Variants in CTNNA2 observed in about 807,000 individuals in gnomAD.
CTNNA2 encodes catenin alpha 2.
Under a neutral mutation model 101.0 loss-of-function variants are expected in CTNNA2, and 42 were observed. That is an observed-to-expected ratio of 0.42 (90% confidence interval 0.32 to 0.54). The LOEUF (loss-of-function observed/expected upper bound fraction) is 0.54. Among genes scored for constraint, CTNNA2 ranks in the 20% least tolerant of loss-of-function variants. The pLI is 0.14. For synonymous variants in CTNNA2, 450 were observed against 456.4 expected (o/e 0.99, Z 0.18); for missense variants, 871 against 1,223.1 (o/e 0.71, Z 4.29).
chr2:80,598,305 G>T (rs895884593), intron 15 of CTNNA2, among the ~76,000 whole-genome samples: 6 of 152,138 alleles, frequency 3.9e-5, no homozygotes, highest in African/African-American at 1.4e-4. Context: ...CCTGTCAAGG[G>T]TTGGGGAGCA....
intron 1 of CTNNA2, among the ~76,000 whole-genome samples, chr2:79,514,400 C>T (rs1671695356): frequency 6.6e-6 from 1 of 152,170 alleles, no homozygotes; most frequent in African/African-American, 2.4e-5. Flanking sequence ...TAAAGAGAAA[C>T]ATGCTGTGTG....
intron 9 of CTNNA2, among the ~76,000 whole-genome samples, chr2:80,461,737 C>T (rs1033577494): frequency 1.6e-4 from 25 of 152,168 alleles, no homozygotes; most frequent in African/African-American, 6.0e-4. Context: ...ATCAGTCTCA[C>T]TGCTTTGTGG....
intron 7 of CTNNA2, among the ~76,000 whole-genome samples, chr2:79,972,016 T>A (rs1364745409): frequency 6.6e-6 from 1 of 152,174 alleles, no homozygotes; most frequent in Non-Finnish European, 1.5e-5. Context: ...CAAGGCTTCT[T>A]ATGGCTTGGG....
At chr2:79,633,875 C>T (rs536808108) in intron 1 of CTNNA2, 68 of 152,300 alleles carry the variant, frequency 4.5e-4, no homozygotes, top group African/African-American at 1.6e-3. Flanking sequence ...AGTGTTTGGA[C>T]TTGCTTAACA....
chr2:79,767,596 T>G (rs943879797), intron 3 of CTNNA2, among the ~76,000 whole-genome samples: 11 of 152,228 alleles, frequency 7.2e-5, no homozygotes, highest in Admixed American at 2.6e-4. Flanking sequence ...CTCACAGACA[T>G]GTAGAGGTAC....
At chr2:79,425,740 A>T (rs1272777972) in intron 4 of CTNNA2, among the ~76,000 whole-genome samples, 1 of 152,128 alleles carries the variant, frequency 6.6e-6, no homozygotes, top group African/African-American at 2.4e-5. Flanking sequence ...ATACGAAAGG[A>T]TTTGCTTGCG....
chr2:79,892,132 C>T (rs1684353063), intron 6 of CTNNA2, among the ~76,000 whole-genome samples: 1 of 152,052 alleles, frequency 6.6e-6, no homozygotes, highest in Non-Finnish European at 1.5e-5. Flanking sequence ...ATAAAATCAA[C>T]TTTATTTTAC....
intron 4 of CTNNA2, among the ~76,000 whole-genome samples, chr2:79,497,758 T>C (rs1671274531): frequency 6.6e-6 from 1 of 152,172 alleles, no homozygotes; most frequent in Non-Finnish European, 1.5e-5. Context: ...TCTCCTTTTG[T>C]TTCGTCTAAG....
intron 7 of CTNNA2, among the ~76,000 whole-genome samples, chr2:80,182,802 G>A (rs564302196): frequency 6.6e-6 from 1 of 152,236 alleles, no homozygotes; most frequent in African/African-American, 2.4e-5. Context: ...AGTAGTGAGT[G>A]AAAAAGCCCT....
chr2:79,519,655 A>G (rs1020339427), intron 1 of CTNNA2, among the ~76,000 whole-genome samples: 2 of 152,166 alleles, frequency 1.3e-5, no homozygotes, highest in Non-Finnish European at 2.9e-5. Context: ...CTTTTGAAAC[A>G]TAAACTTCTG....
intron 18 of CTNNA2, among the ~76,000 whole-genome samples, chr2:80,623,289 G>A (rs1573487481): frequency 6.6e-6 from 1 of 151,940 alleles, no homozygotes; most frequent in Non-Finnish European, 1.5e-5. Flanking sequence ...ACGTGAACTA[G>A]TAACTATGAT....
chr2:79,655,003 AT>A (rs1378095177), intron 2 of CTNNA2, among the ~76,000 whole-genome samples: 1 of 152,176 alleles, frequency 6.6e-6, no homozygotes, highest in East Asian at 1.9e-4. Flanking sequence ...TGGACTTATA[AT>A]TGTATATGTT....
intron 9 of CTNNA2, among the ~76,000 whole-genome samples, chr2:80,443,967 G>A (rs993334806): frequency 6.6e-6 from 1 of 152,126 alleles, no homozygotes. Flanking sequence ...AGGGAGACAT[G>A]AATAGGTTAA....
chr2:80,324,516 A>G (rs1679050694), intron 7 of CTNNA2, among the ~76,000 whole-genome samples: 1 of 152,204 alleles, frequency 6.6e-6, no homozygotes, highest in Non-Finnish European at 1.5e-5. Context: ...CTATTTATTA[A>G]AAAGCCTTTC....
intron 4 of CTNNA2, among the ~76,000 whole-genome samples, chr2:79,414,621 C>T (rs954132474): frequency 6.6e-6 from 1 of 152,128 alleles, no homozygotes; most frequent in East Asian, 1.9e-4. Context: ...GGCTTTGCAA[C>T]GTTTTTGCCA....
intron 1 of CTNNA2, among the ~76,000 whole-genome samples, chr2:79,519,208 G>A (rs1390826730): frequency 7.3e-6 from 1 of 136,200 alleles, no homozygotes; most frequent in East Asian, 2.2e-4. Context: ...CAGCTTGGGC[G>A]ACAGAACAAG....
At chr2:80,385,544 A>G (rs1206228385) in intron 7 of CTNNA2, among the ~76,000 whole-genome samples, 1 of 152,230 alleles carries the variant, frequency 6.6e-6, no homozygotes, top group East Asian at 1.9e-4. Flanking sequence ...AGCAGCTCAA[A>G]TGAATTATTA....
intron 9 of CTNNA2, among the ~76,000 whole-genome samples, chr2:80,470,924 C>A (rs1341632631): frequency 1.3e-5 from 2 of 152,090 alleles, no homozygotes; most frequent in Non-Finnish European, 2.9e-5. Context: ...GACATTTAAG[C>A]AAAGTCCTGA....
chr2:80,084,848 G>A (rs1271083294), intron 7 of CTNNA2, among the ~76,000 whole-genome samples: 9 of 151,976 alleles, frequency 5.9e-5, no homozygotes. Flanking sequence ...GTACAGGAAT[G>A]AAGATGAAAA....
Sources: allele counts gnomAD v4.1 joint callset (sites outside exome capture counted in the v4.1 genomes callset), GRCh38; gene constraint gnomAD v4.1.1; transcripts MANE v1.5; gene names NCBI Gene and HGNC (gene_info 2026-07-23, HGNC 2026-07-21).